Variants in EXOC4 observed in about 807,000 individuals in gnomAD.
The protein encoded by EXOC4 is exocyst complex component 4, also known as SEC8-like 1.
EXOC4 carries 71 observed loss-of-function variants against 107.2 expected under a neutral mutation model. The observed-to-expected ratio is 0.66, with a 90% CI of 0.55 to 0.81. The LOEUF (loss-of-function observed/expected upper bound fraction) is 0.81. EXOC4 is among the 30% of genes least tolerant of loss of function. EXOC4 has a pLI of 0.00. For synonymous variants in EXOC4, 456 were observed against 441.2 expected (o/e 1.03, Z -0.42); for missense variants, 1,108 against 1,189.6 (o/e 0.93, Z 1.01).
rs768071863 is a variant in EXOC4 at position 133,356,496 on chromosome 7, T to C, written c.930T>C (p.Ile310=). Residue 310 remains isoleucine (I), a synonymous_variant, in exon 6 of 18, where the codon ATT becomes ATC. Coordinates refer to ENST00000253861, the MANE Select transcript of EXOC4 (RefSeq NM_021807.4). ...GCTTGGAGCAGGAGTTGAAGCAAATTGTGAAGAGGTCTACAACCCAGGTGG... is the reference window on the plus strand; with the variant it reads ...GCTTGGAGCAGGAGTTGAAGCAAATCGTGAAGAGGTCTACAACCCAGGTGG... ...IERLEQELKQ[I]VKRSTTQVAD... is the part of the protein sequence containing the mutation. The C allele has an allele frequency of 1.9e-6, 3 of 1,613,968 alleles. No homozygotes were observed. The highest frequency in any genetic ancestry group is 2.2e-5 in the South Asian group (2 of 91,078).
intron 1 of EXOC4, chr7:133,253,745 T>G (rs527657253): frequency 6.4e-6 from 1 of 157,004 alleles, no homozygotes; most frequent in Non-Finnish European, 1.4e-5. Context: ...GGTTTTCAAT[T>G]TTTTGCCCTG....
At chr7:133,257,366 G>GCGCA (rs1554425704) in intron 1 of EXOC4, among the ~76,000 whole-genome samples, 12 of 149,798 alleles carry the variant, frequency 8.0e-5, no homozygotes, top group African/African-American at 2.4e-4. Flanking sequence ...TTACACACAC[G>GCGCA]CACACACACA....
intron 6 of EXOC4, among the ~76,000 whole-genome samples, chr7:133,361,092 A>G (rs1156971799): frequency 6.6e-6 from 1 of 152,158 alleles, no homozygotes; most frequent in African/African-American, 2.4e-5. Flanking sequence ...TAAATTCCAC[A>G]TTTATGAAAT....
chr7:133,810,434 C>T (rs1023621366), intron 10 of EXOC4, among the ~76,000 whole-genome samples: 1 of 152,070 alleles, frequency 6.6e-6, no homozygotes, highest in Non-Finnish European at 1.5e-5. Flanking sequence ...CTCATGTGTG[C>T]ATTCCAAAGG....
chr7:134,006,362 C>CTTGGCCTATAGAGAT (rs1554434049), intron 16 of EXOC4, among the ~76,000 whole-genome samples: 1 of 151,872 alleles, frequency 6.6e-6, no homozygotes, highest in Non-Finnish European at 1.5e-5. Flanking sequence ...GACACCAAAA[C>CTTGGCCTATAGAGAT]TTGGCCTACA....
Position 133,522,856 on chromosome 7 carries a change from A to G in EXOC4, c.1417+42718A>G, listed in dbSNP as rs563515300. Among the ~76,000 whole-genome samples the G allele has an allele frequency of 5.3e-4, 81 of 152,320 alleles. 3 individuals are homozygous for G. The South Asian group carries it at 0.017, about 31-fold the overall frequency. On this transcript the variant is annotated intron_variant, in intron 9 of 17. Coordinates refer to ENST00000253861, the MANE Select transcript of EXOC4 (RefSeq NM_021807.4). ...GGTGACTAGAATGAAATGGGAGCCT[A>G]CATTCCCAAGAATCTCTGATATGAC...
At chr7:133,661,703 A>C (rs1050524841) in intron 10 of EXOC4, among the ~76,000 whole-genome samples, 4 of 138,254 alleles carry the variant, frequency 2.9e-5, no homozygotes, top group African/African-American at 1.1e-4. Context: ...AAAAAAAAAA[A>C]CAAGAATTTT....
chr7:134,054,501 C>T (rs187746661), intron 17 of EXOC4, among the ~76,000 whole-genome samples: 2 of 152,300 alleles, frequency 1.3e-5, no homozygotes, highest in South Asian at 2.1e-4. Flanking sequence ...TTGCCATTCA[C>T]AGCCCCTCCC....
chr7:133,983,856 A>G (rs1229685351), intron 14 of EXOC4, among the ~76,000 whole-genome samples: 2 of 152,220 alleles, frequency 1.3e-5, no homozygotes, highest in African/African-American at 4.8e-5. Flanking sequence ...CAACAGAAGA[A>G]CAGGAGCTGT....
intron 14 of EXOC4, among the ~76,000 whole-genome samples, chr7:133,990,048 G>T (rs1260556833): frequency 6.6e-6 from 1 of 152,066 alleles, no homozygotes; most frequent in African/African-American, 2.4e-5. Flanking sequence ...GTGATATTTT[G>T]ATAAATGTAT....
At chr7:133,540,059 A>G (rs1000425323) in intron 9 of EXOC4, among the ~76,000 whole-genome samples, 8 of 152,094 alleles carry the variant, frequency 5.3e-5, no homozygotes, top group African/African-American at 1.9e-4. Context: ...ACCTGGGAGG[A>G]GCAGTTCGCT....
chr7:133,556,432 G>T (rs1800691830), intron 9 of EXOC4, among the ~76,000 whole-genome samples: 1 of 151,950 alleles, frequency 6.6e-6, no homozygotes, highest in Non-Finnish European at 1.5e-5. Flanking sequence ...GCTTATTTTA[G>T]TGTTCAGTTC....
At chr7:133,731,347 C>T (rs1315747823) in intron 10 of EXOC4, among the ~76,000 whole-genome samples, 2 of 152,058 alleles carry the variant, frequency 1.3e-5, no homozygotes, top group Non-Finnish European at 2.9e-5. Context: ...TCTTATTTCC[C>T]TTTTATTGCT....
intron 10 of EXOC4, among the ~76,000 whole-genome samples, chr7:133,647,870 G>A (rs769047001): frequency 3.9e-5 from 6 of 151,988 alleles, no homozygotes; most frequent in Non-Finnish European, 8.8e-5. Flanking sequence ...GTTAAAATAC[G>A]TGATTTTTCT....
intron 11 of EXOC4, among the ~76,000 whole-genome samples, chr7:133,856,917 G>C (rs556492975): frequency 6.6e-6 from 1 of 150,880 alleles, no homozygotes; most frequent in Non-Finnish European, 1.5e-5. Flanking sequence ...TGGCTAACAC[G>C]GTGAAACCCC....
chr7:133,649,597 T>C (rs546758815), intron 10 of EXOC4, among the ~76,000 whole-genome samples: 34 of 152,170 alleles, frequency 2.2e-4, no homozygotes, highest in African/African-American at 7.7e-4. Flanking sequence ...TTCCTGTATG[T>C]AAACCTCACT....
chr7:133,838,507 C>T (rs1196869416), intron 11 of EXOC4, among the ~76,000 whole-genome samples: 2 of 152,136 alleles, frequency 1.3e-5, no homozygotes, highest in Non-Finnish European at 2.9e-5. Flanking sequence ...GTAATAATCT[C>T]ACCCCCTTTT....
At chr7:133,449,647 G>C (rs1374639068) in intron 7 of EXOC4, among the ~76,000 whole-genome samples, 1 of 150,914 alleles carries the variant, frequency 6.6e-6, no homozygotes, top group African/African-American at 2.4e-5. Flanking sequence ...TTATTTCATT[G>C]TTTTCCCTGG....
At chr7:133,829,009 A>G (rs1008627773) in intron 11 of EXOC4, among the ~76,000 whole-genome samples, 1 of 152,208 alleles carries the variant, frequency 6.6e-6, no homozygotes, top group South Asian at 2.1e-4. Flanking sequence ...AGAGACACAG[A>G]AGGCTGGAGG....
Sources: gnomAD v4.1 joint callset for allele counts (sites outside exome capture counted in the v4.1 genomes callset) on GRCh38, gnomAD v4.1.1 for gene constraint, MANE v1.5 for transcripts, NCBI Gene and HGNC (gene_info 2026-07-23, HGNC 2026-07-21) for gene names.